The following CCDC186 variants were observed in gnomAD, a reference collection of about 807,000 sequenced individuals.
CCDC186 encodes coiled-coil domain containing 186, also known as coiled-coil domain-containing protein 186.
A neutral mutation model predicts 113.7 loss-of-function variants in CCDC186; 49 were observed. The observed-to-expected ratio is 0.43, with a 90% CI of 0.34 to 0.55. The LOEUF is 0.55. Among genes scored for constraint, CCDC186 ranks in the 20% least tolerant of loss-of-function variants. The pLI is 0.02. For synonymous variants in CCDC186, 355 were observed against 345.8 expected (o/e 1.03, Z -0.30); for missense variants, 890 against 1,011.1 (o/e 0.88, Z 1.62).
intron 8 of CCDC186, 69 bp from the exon 9 acceptor site, chr10:114,136,046 T>C: frequency 6.6e-7 from 1 of 1,525,198 alleles, no homozygotes; most frequent in Non-Finnish European, 9.1e-7. Context: ...TATTGCCTGT[T>C]CCTTCCAAAA....
intron 6 of CCDC186, among the ~76,000 whole-genome samples, chr10:114,144,282 G>C (rs2031565583): frequency 1.3e-5 from 2 of 151,982 alleles, no homozygotes; most frequent in Non-Finnish European, 2.9e-5. Flanking sequence ...AATAATGTGA[G>C]GACATTTCTT....
At chr10:114,130,110 G>A in intron 12 of CCDC186, 139 bp from the exon 13 acceptor site, 1 of 612,862 alleles carries the variant, frequency 1.6e-6, no homozygotes, top group East Asian at 3.1e-5. Context: ...TAGGCAGAGG[G>A]CTATGTCATT....
chr10:114,127,437 T>C, intron 14 of CCDC186, 24 bp downstream of exon 14: 1 of 1,603,238 alleles, frequency 6.2e-7, no homozygotes, highest in Non-Finnish European at 8.5e-7. Flanking sequence ...TGAAGACCGA[T>C]CATGCTACCG....
chr10:114,145,800 T>A, intron 4 of CCDC186, 39 bp from the exon 5 acceptor site: 1 of 1,515,592 alleles, frequency 6.6e-7, no homozygotes, highest in Non-Finnish European at 8.9e-7. Flanking sequence ...TGAAAAATAA[T>A]GTTTCAAATG....
chr10:114,154,717 T>C (rs1217250638), intron 3 of CCDC186, among the ~76,000 whole-genome samples: 1 of 152,158 alleles, frequency 6.6e-6, no homozygotes, highest in East Asian at 1.9e-4. Context: ...TTCCTAGGTA[T>C]ACACCCAAGA....
rs1353300854 is a variant in CCDC186 at position 114,131,982 on chromosome 10, C to T, written c.1858G>A (p.Glu620Lys). ...QSQFDKVSCS[E>K]SQLQSQCEQM... The stretch of plus-strand genomic sequence containing the variant: ...TCACACTGGCTTTGTAACTGACTTT[C>T]ACTACAGGAAACTTTATCAAATTGT... The change falls in exon 11 of 16, where the codon GAA becomes AAA. Residue 620 changes from glutamate to lysine, a missense_variant. Glu to Lys is a moderately conservative substitution (Grantham distance 56, BLOSUM62 1). Transcript: ENST00000369287. 1 of 1,612,488 alleles carries T rather than the reference C, an allele frequency of 6.2e-7. No homozygotes were observed. The highest frequency in any genetic ancestry group is 8.5e-7 in the Non-Finnish European group (1 of 1,179,278).
intron 1 of CCDC186, chr10:114,173,133 C>T: frequency 2.3e-6 from 1 of 430,568 alleles, no homozygotes; most frequent in South Asian, 1.6e-5. Context: ...GAGAAAACGG[C>T]CAAGTACCTG....
chr10:114,148,596 G>A (rs1304450365), intron 4 of CCDC186, among the ~76,000 whole-genome samples: 1 of 152,188 alleles, frequency 6.6e-6, no homozygotes, highest in Non-Finnish European at 1.5e-5. Context: ...AATTTTAGAT[G>A]AAAAATAACA....
In CCDC186 at chr10:114,125,005, TA is replaced by T. The variant is rs2030843306; in HGVS notation, c.*137del. ...GCAATGCATTCATATTGTAAAAGGG[TA>T]TTTTTTTGTGTACAGATGAAGCAAA... is the stretch of plus-strand genomic sequence containing the variant. On this transcript the variant is annotated 3_prime_UTR_variant, in exon 16 of 16. Coordinates refer to ENST00000369287, the MANE Select transcript of CCDC186 (RefSeq NM_018017.4). 1 of 598,480 alleles carries T rather than the reference TA, an allele frequency of 1.7e-6. No individual in the cohort carries two copies. The highest frequency in any genetic ancestry group is 2.7e-4 in the Middle Eastern group (1 of 3,752). The allele number at this position is 598,480 out of a possible 1,614,324, so 37.1% of individuals were successfully genotyped here.
At position 114,146,845 on chromosome 10, in the gene CCDC186, G is replaced by A. The variant is rs186474079; in HGVS notation, c.889-1084C>T. ...AGCAGAATGTAGGGAAAGCTTCTAT[G>A]CTTTGATGAAAAATGGCTGCAAAAA... On this transcript the variant is annotated intron_variant, in intron 4 of 15. Transcript: ENST00000369287. Among the ~76,000 whole-genome samples, 4 of 152,036 alleles carry A rather than the reference G, an allele frequency of 2.6e-5. No individual in the cohort carries two copies. The East Asian group carries it at 7.8e-4, about 30-fold the overall frequency.
At position 114,135,920 on chromosome 10, in the gene CCDC186, T is replaced by C. The variant is rs780505415; in HGVS notation, c.1483A>G (p.Met495Val). 15 of 1,613,040 alleles carry C rather than the reference T, an allele frequency of 9.3e-6. No homozygotes were observed. The East Asian group carries it at 2.0e-4, about 22-fold the overall frequency. ...EDLKRTFKEG[M>V]DELRTLRTKV... ...GTTCTCAGTGTTCTTAACTCATCCA[T>C]ACCCTCCTTAAATGTTCTCTTCAGA... The change falls in exon 9 of 16, where the codon ATG becomes GTG. Residue 495 changes from methionine to valine, a missense_variant. Coordinates refer to ENST00000369287, the MANE Select transcript of CCDC186 (RefSeq NM_018017.4).
At position 114,136,026 on chromosome 10, in the gene CCDC186, A is replaced by G. The variant is rs780670307; in HGVS notation, c.1426-49T>C. 13 of 1,549,308 alleles carry G rather than the reference A, an allele frequency of 8.4e-6. No individual in the cohort carries two copies. The African/African-American group carries it at 1.6e-4, about 19-fold the overall frequency. Reference sequence around the variant, plus strand: ...AACAAATCATAATGTGCTAAACTATATCTAAGATTTATTGCCTGTTCCTTC... The same window carrying G: ...AACAAATCATAATGTGCTAAACTATGTCTAAGATTTATTGCCTGTTCCTTC... On this transcript the variant is annotated intron_variant, in intron 8 of 15. Coordinates refer to ENST00000369287, the MANE Select transcript of CCDC186 (RefSeq NM_018017.4).
chr10:114,172,771 A>G (rs1426128162), intron 1 of CCDC186, among the ~76,000 whole-genome samples: 1 of 152,240 alleles, frequency 6.6e-6, no homozygotes, highest in Non-Finnish European at 1.5e-5. Flanking sequence ...AAATGAACCT[A>G]GCCAATCATT....
chr10:114,121,332 A>G lies in CCDC186; in HGVS notation c.*3811T>C, dbSNP rs565296077. On this transcript the variant is annotated 3_prime_UTR_variant, in exon 16 of 16. Coordinates refer to ENST00000369287, the MANE Select transcript of CCDC186 (RefSeq NM_018017.4). Reference sequence around the variant, plus strand: ...CATAAATGACAACATGATTTATAAAAATATTTTCACCAGGGTAGCATATAT... The same window carrying G: ...CATAAATGACAACATGATTTATAAAGATATTTTCACCAGGGTAGCATATAT... 1.3e-5 allele frequency: 2 copies of G among 152,308 alleles called. No individual in the cohort carries two copies. Among genetic ancestry groups the G allele is most frequent in the South Asian group, 4.1e-4 (2 of 4,828 alleles). The allele number at this position is 152,308 out of a possible 1,614,324, so 9.4% of individuals were successfully genotyped here.
At chr10:114,164,114 ATT>A (rs35615169) in intron 1 of CCDC186, among the ~76,000 whole-genome samples, 74 of 79,214 alleles carry the variant, frequency 9.3e-4, no homozygotes, top group African/African-American at 3.1e-3. Flanking sequence ...ATATATATAT[ATT>A]TTTTTTTTTT....
chr10:114,145,828 A>G (rs2031623258), intron 4 of CCDC186, 67 bp from the exon 5 acceptor site: 1 of 1,402,980 alleles, frequency 7.1e-7, no homozygotes, highest in Admixed American at 2.4e-5. Context: ...ATTGAAATAC[A>G]TGGTATTTGT....
intron 1 of CCDC186, among the ~76,000 whole-genome samples, chr10:114,172,704 G>C (rs1564922448): frequency 6.6e-6 from 1 of 152,154 alleles, no homozygotes; most frequent in East Asian, 1.9e-4. Context: ...CAAGATTCGT[G>C]ATCTAATATC....
intron 2 of CCDC186, among the ~76,000 whole-genome samples, chr10:114,157,982 A>G (rs888063901): frequency 1.2e-4 from 18 of 152,198 alleles, no homozygotes; most frequent in Admixed American, 1.2e-3. Flanking sequence ...TTATGCACCA[A>G]TCCTGTCAGC....
At chr10:114,126,177 T>C in intron 14 of CCDC186, 72 bp from the exon 15 acceptor site, 1 of 1,139,878 alleles carries the variant, frequency 8.8e-7, no homozygotes. Flanking sequence ...AAAAGTCAAC[T>C]AATCATAAAG....
Sources: allele counts gnomAD v4.1 joint callset (sites outside exome capture counted in the v4.1 genomes callset), GRCh38; gene constraint gnomAD v4.1.1; transcripts MANE v1.5; gene names NCBI Gene and HGNC (gene_info 2026-07-23, HGNC 2026-07-21).